The following STK17B variants were observed in gnomAD, a reference collection of about 807,000 sequenced individuals.
The protein encoded by STK17B is serine/threonine-protein kinase 17B.
STK17B carries 21 observed loss-of-function variants against 42.0 expected under a neutral mutation model. The ratio of observed to expected loss-of-function variants is 0.50; its 90% CI spans 0.35 to 0.72. The LOEUF is 0.72. Among genes scored for constraint, STK17B ranks in the 30% least tolerant of loss-of-function variants. The pLI, the probability that STK17B is intolerant of heterozygous loss-of-function variation, is 0.00. For synonymous variants in STK17B, 143 were observed against 148.4 expected (o/e 0.96, Z 0.26); for missense variants, 349 against 446.0 (o/e 0.78, Z 1.96).
intron 6 of STK17B, 32 bp downstream of exon 6, chr2:196,141,217 A>G: frequency 6.4e-7 from 1 of 1,559,704 alleles, no homozygotes; most frequent in Non-Finnish European, 8.8e-7. Context: ...AACTTTCCAT[A>G]AAGATGTTTA....
At position 196,163,417 on chromosome 2, in the gene STK17B, C is replaced by T. The variant is rs1195992229; in HGVS notation, c.-34G>A. 6.5e-7 allele frequency: 1 copy of T among 1,548,516 alleles called. No homozygotes were observed. The highest frequency in any genetic ancestry group is 8.7e-7 in the Non-Finnish European group (1 of 1,155,882). On this transcript the variant is annotated 5_prime_UTR_variant, in exon 2 of 8. In the 5' UTR this introduces an upstream ATG that the reference lacks. Coordinates refer to ENST00000263955, the MANE Select transcript of STK17B (RefSeq NM_004226.4). The stretch of plus-strand genomic sequence containing the variant: ...ATTCCCAGGTCTGCTTCTTTAGTCA[C>T]TTATTTTTACCTATGCAAAAAAAGA...
chr2:196,159,665 C>T (rs1260229554), intron 2 of STK17B, among the ~76,000 whole-genome samples: 1 of 152,062 alleles, frequency 6.6e-6, no homozygotes, highest in African/African-American at 2.4e-5. Flanking sequence ...GCAAAGGTGA[C>T]CAAATGATGT....
chr2:196,138,931 C>A (rs531932128), intron 7 of STK17B, among the ~76,000 whole-genome samples: 1 of 151,958 alleles, frequency 6.6e-6, no homozygotes, highest in South Asian at 2.1e-4. Context: ...ATTTCACAAT[C>A]AGTAAATGAT....
intron 1 of STK17B, among the ~76,000 whole-genome samples, chr2:196,168,031 G>A (rs372077917): frequency 6.6e-6 from 1 of 152,320 alleles, no homozygotes; most frequent in East Asian, 1.9e-4. Context: ...TTGGTATCAA[G>A]ATGGAAATGA....
At chr2:196,169,393 C>A (rs1055705768) in intron 1 of STK17B, among the ~76,000 whole-genome samples, 1 of 152,134 alleles carries the variant, frequency 6.6e-6, no homozygotes, top group African/African-American at 2.4e-5. Context: ...GCCAATCTTA[C>A]ATACAGAAAA....
intron 2 of STK17B, among the ~76,000 whole-genome samples, chr2:196,158,211 C>A (rs560960718): frequency 1.3e-5 from 2 of 151,952 alleles, no homozygotes; most frequent in African/African-American, 4.8e-5. Flanking sequence ...TTAGGGGGTA[C>A]GGGGTGGAAA....
At position 196,143,530 on chromosome 2, in the gene STK17B, A is replaced by G. The variant is rs537161673; in HGVS notation, c.607+30T>C. ...TATCATTTACTTAATAAATTTCAAA[A>G]TGGTATAGAAAATAAAAGGAAATTC... On this transcript the variant is annotated intron_variant, in intron 5 of 7. Transcript: ENST00000263955. 7.0e-4 allele frequency: 1,106 copies of G among 1,571,260 alleles called. 12 individuals carry two copies. The South Asian group carries it at 0.012, about 17-fold the overall frequency.
intron 1 of STK17B, among the ~76,000 whole-genome samples, chr2:196,170,633 T>C (rs763926136): frequency 6.6e-6 from 1 of 152,096 alleles, no homozygotes; most frequent in Non-Finnish European, 1.5e-5. Context: ...AGAGCCTGGG[T>C]AAATGTCAAA....
At chr2:196,150,130 A>G (rs1699643126) in intron 3 of STK17B, among the ~76,000 whole-genome samples, 1 of 151,396 alleles carries the variant, frequency 6.6e-6, no homozygotes, top group Non-Finnish European at 1.5e-5. Flanking sequence ...AGTAGCAAAC[A>G]AGACTTCTGT....
At chr2:196,161,690 G>C (rs1173197939) in intron 2 of STK17B, among the ~76,000 whole-genome samples, 2 of 151,522 alleles carry the variant, frequency 1.3e-5, no homozygotes, top group Non-Finnish European at 2.9e-5. Context: ...GGCTAATTTT[G>C]TATTTTTAGT....
At position 196,168,082 on chromosome 2, in the gene STK17B, ATGTATTC is replaced by A. The variant is rs1699893325; in HGVS notation, c.-45+3244_-45+3250del. On this transcript the variant is annotated intron_variant, in intron 1 of 7. Transcript: ENST00000263955. ...TCAAGGAAGAGATTATATTCCTCAT[ATGTATTC>A]TGCCAACAGGTTTTGTTTTTTAAAA... 2.0e-5 allele frequency among the ~76,000 whole-genome samples: 3 copies of A among 152,230 alleles called. No homozygotes were observed. In the South Asian group the frequency reaches 6.2e-4, roughly 32 times the overall value.
upstream of STK17B, among the ~76,000 whole-genome samples, chr2:196,172,279 C>G (rs139328275): frequency 2.4e-3 from 366 of 152,324 alleles, 2 homozygotes; most frequent in African/African-American, 8.3e-3. Context: ...TGAAAGCCCT[C>G]AGCAACCTAC....
intron 3 of STK17B, among the ~76,000 whole-genome samples, chr2:196,146,277 T>C (rs1191896896): frequency 1.3e-5 from 2 of 152,118 alleles, no homozygotes; most frequent in African/African-American, 2.4e-5. Context: ...GAGGCTGAGA[T>C]AGGCGAATCA....
intron 2 of STK17B, among the ~76,000 whole-genome samples, chr2:196,161,267 C>A (rs532827785): frequency 2.0e-5 from 3 of 146,488 alleles, no homozygotes; most frequent in Non-Finnish European, 3.0e-5. Context: ...ATGTGAGATA[C>A]AGGAAACTTA....
chr2:196,137,818 C>A (rs1699430251), intron 7 of STK17B, 89 bp from the exon 8 acceptor site: 2 of 1,418,274 alleles, frequency 1.4e-6, no homozygotes, highest in Non-Finnish European at 1.9e-6. Flanking sequence ...ATATTTTTTA[C>A]TTCTTGTGAA....
At chr2:196,141,030 G>C (rs945627790) in intron 6 of STK17B, among the ~76,000 whole-genome samples, 11 of 152,186 alleles carry the variant, frequency 7.2e-5, no homozygotes, top group Non-Finnish European at 1.2e-4. Flanking sequence ...TCATCACAGA[G>C]AGAGATTTTC....
chr2:196,142,948 C>A (rs1451350908), intron 5 of STK17B, among the ~76,000 whole-genome samples: 3 of 152,228 alleles, frequency 2.0e-5, no homozygotes, highest in Non-Finnish European at 2.9e-5. Flanking sequence ...AAAAACCTTT[C>A]ATATGCATAA....
chr2:196,173,718 T>C (rs528677052), upstream of STK17B, among the ~76,000 whole-genome samples: 1 of 152,320 alleles, frequency 6.6e-6, no homozygotes, highest in African/African-American at 2.4e-5. Context: ...CTGATGGTCA[T>C]TCTGTGGTCA....
chr2:196,142,022 T>C (rs1014199890), intron 5 of STK17B, among the ~76,000 whole-genome samples: 5 of 152,200 alleles, frequency 3.3e-5, no homozygotes, highest in Non-Finnish European at 7.3e-5. Flanking sequence ...GCATCTGCAA[T>C]GACATCATGA....
Sources: allele counts gnomAD v4.1 joint callset (sites outside exome capture counted in the v4.1 genomes callset), GRCh38; gene constraint gnomAD v4.1.1; transcripts MANE v1.5; gene names NCBI Gene and HGNC (gene_info 2026-07-23, HGNC 2026-07-21).